The following GIPR variants were observed in gnomAD, a reference collection of about 807,000 sequenced individuals.
GIPR encodes GIP-R.
Under a neutral mutation model 62.2 loss-of-function variants are expected in GIPR, and 74 were observed. The ratio of observed to expected loss-of-function variants is 1.19; its 90% CI spans 0.99 to 1.44. The LOEUF is 1.44. Ranked by LOEUF, GIPR falls within the 40% of genes most tolerant of loss-of-function variation. The pLI, the probability that GIPR is intolerant of heterozygous loss-of-function variation, is 0.00. For synonymous variants in GIPR, 256 were observed against 262.2 expected, an observed-to-expected ratio of 0.98 and a Z score of 0.23; for missense variants, 664 against 611.8, an observed-to-expected ratio of 1.09 and a Z score of -0.90.
chr19:45,669,101 C>T (rs1367805597), intron 1 of GIPR, among the ~76,000 whole-genome samples: 2 of 139,922 alleles, frequency 1.4e-5, no homozygotes, highest in African/African-American at 2.7e-5. Flanking sequence ...CTCTCCAAGG[C>T]GGTCCCCGGG....
chr19:45,669,934 G>A (rs530044695), intron 2 of GIPR, among the ~76,000 whole-genome samples: 1 of 149,212 alleles, frequency 6.7e-6, no homozygotes, highest in South Asian at 2.2e-4. Context: ...GGGTGACAGA[G>A]TGAGACTCTG....
At chr19:45,678,432 C>T (rs1466525976) in intron 12 of GIPR, 2 of 636,002 alleles carry the variant, frequency 3.1e-6, no homozygotes, top group East Asian at 2.8e-5. Context: ...GGCGCGATCT[C>T]GGTTCATTGC....
At chr19:45,670,500 C>T (rs1244838462) in intron 2 of GIPR, 135 bp from the exon 3 acceptor site, 10 of 604,128 alleles carry the variant, frequency 1.7e-5, no homozygotes, top group Non-Finnish European at 2.7e-5. Flanking sequence ...GAACTGGTTT[C>T]CAAGCTACCC....
At chr19:45,677,503 C>T (rs1406996449) in intron 9 of GIPR, 120 bp downstream of exon 9, 2 of 791,602 alleles carry the variant, frequency 2.5e-6, no homozygotes, top group Non-Finnish European at 4.1e-6. Flanking sequence ...GATACGTGGG[C>T]GGGATCCGAA....
rs1488551440 is a variant in GIPR, at chr19:45,670,718, C to G, written c.156C>G (p.Ala52=). The change falls in exon 3 of 14, where the codon GCC becomes GCG. Residue 52 remains alanine, a synonymous_variant. Coordinates refer to ENST00000590918, the MANE Select transcript of GIPR (RefSeq NM_000164.4). ...YRRECQETLA[A]AEPPSGLACN... ...GGGAGTGCCAGGAGACCTTGGCAGC[C>G]GCGGAACCGCCTTCAGGTGTGACCA... is the stretch of plus-strand genomic sequence containing the variant. 1 of 1,605,442 alleles carries G rather than the reference C, an allele frequency of 6.2e-7. No homozygotes were observed.
rs184824260 is a variant in GIPR at position 45,669,414 on chromosome 19, C to G, written c.-44-63C>G. 3.4e-6 allele frequency: 5 copies of G among 1,466,826 alleles called. No individual in the cohort carries two copies. In the African/African-American group the frequency reaches 7.0e-5, roughly 20 times the overall value. The allele number at this position is 1,466,826 out of a possible 1,614,324, so 90.9% of individuals were successfully genotyped here. A position where few individuals can be genotyped will look rare whatever the true frequency, so the allele number is the denominator to read the frequency against. On this transcript the variant is annotated intron_variant, in intron 1 of 13. Transcript: ENST00000590918. ...TGCCCCTGTGTGTGAATCCCTGAGG[C>G]GGGGTGACGCTGGGGTTGGAGTAGG...
At chr19:45,670,515 C>T (rs1295411096) in intron 2 of GIPR, 120 bp from the exon 3 acceptor site, 8 of 671,730 alleles carry the variant, frequency 1.2e-5, no homozygotes, top group Non-Finnish European at 2.1e-5. Flanking sequence ...CTACCCAAGA[C>T]TCCCGAACAA....
intron 12 of GIPR, 27 bp from the exon 13 acceptor site, chr19:45,681,577 T>A (rs763235275): frequency 3.4e-5 from 54 of 1,609,266 alleles, no homozygotes; most frequent in Non-Finnish European, 4.5e-5. Context: ...CCACCAGCGA[T>A]GTAACCTCCG....
chr19:45,670,614 C>T (rs1280247249), intron 2 of GIPR, 21 bp from the exon 3 acceptor site: 1 of 1,576,212 alleles, frequency 6.3e-7, no homozygotes, highest in South Asian at 1.1e-5. Flanking sequence ...TGGGGGGGTC[C>T]TCCCTTCTTT....
chr19:45,669,470 C>T lies in GIPR; in HGVS notation c.-44-7C>T. 1 of 1,545,430 alleles carries T rather than the reference C, an allele frequency of 6.5e-7. No individual in the cohort carries two copies. Among genetic ancestry groups the T allele is most frequent in the South Asian group, 1.2e-5 (1 of 84,190 alleles). The stretch of plus-strand genomic sequence containing the variant: ...AGAGGTGCTGACCTTGCCCTGGGAC[C>T]CTCCAGGCCTGATCGCCCCTGCACG... On this transcript the variant is annotated splice_polypyrimidine_tract_variant and splice_region_variant and intron_variant, in intron 1 of 13. Coordinates refer to ENST00000590918, the MANE Select transcript of GIPR (RefSeq NM_000164.4).
intron 6 of GIPR, 63 bp downstream of exon 6, chr19:45,674,240 A>C: frequency 9.5e-7 from 1 of 1,048,410 alleles, no homozygotes; most frequent in Non-Finnish European, 1.5e-6. Flanking sequence ...TTGTCCAGTA[A>C]GATGGGGTGG....
intron 4 of GIPR, 140 bp downstream of exon 4, chr19:45,671,532 G>T: frequency 1.5e-6 from 1 of 678,418 alleles, no homozygotes; most frequent in Non-Finnish European, 2.7e-6. Flanking sequence ...TTTCCGGCAG[G>T]CTGGGTTTCT....
rs185945481 is a variant in GIPR at position 45,671,665 on chromosome 19, A to C, written c.280+273A>C. 4.3e-3 allele frequency among the ~76,000 whole-genome samples: 655 copies of C among 152,100 alleles called. 4 individuals are homozygous for C. The highest frequency in any genetic ancestry group is 0.015 in the African/African-American group (614 of 41,516). On this transcript the variant is annotated intron_variant, in intron 4 of 13. Coordinates refer to ENST00000590918, the MANE Select transcript of GIPR (RefSeq NM_000164.4). ...CCCAGGCTGGAGTGCAGTGGGATGA[A>C]CTCGGCTCACTGCAACTTCCGCCTC...
intron 6 of GIPR, 199 bp downstream of exon 6, chr19:45,674,376 G>A: frequency 1.5e-6 from 1 of 667,678 alleles, no homozygotes; most frequent in Non-Finnish European, 2.7e-6. Context: ...GGGATGCCAA[G>A]GCAGGAGGAT....
chr19:45,681,991 G>A lies in GIPR; in HGVS notation c.*56G>A. The stretch of plus-strand genomic sequence containing the variant: ...CATGGATTTATTGAGTGCCAACTGC[G>A]TGCCAGGCCCAGTACGGAGGACGCT... On this transcript the variant is annotated 3_prime_UTR_variant, in exon 14 of 14. Transcript: ENST00000590918. The A allele has an allele frequency of 3.5e-6, 5 of 1,411,464 alleles. No individual in the cohort carries two copies. The highest frequency in any genetic ancestry group is 4.9e-6 in the Non-Finnish European group (5 of 1,020,086). 87.4% of individuals were successfully genotyped at this position (1,411,464 alleles called of 1,614,324 possible).
intron 4 of GIPR, among the ~76,000 whole-genome samples, chr19:45,672,070 G>A (rs929917699): frequency 1.3e-5 from 2 of 151,190 alleles, no homozygotes; most frequent in Non-Finnish European, 2.9e-5. Context: ...CCCATGTGGT[G>A]GCAGCATCAT....
chr19:45,679,464 G>A (rs1422206736), intron 12 of GIPR, among the ~76,000 whole-genome samples: 2 of 140,134 alleles, frequency 1.4e-5, no homozygotes, highest in African/African-American at 5.3e-5. Context: ...CCTGGCCACA[G>A]AGGGAGATCA....
rs1967303686 is a variant in GIPR at position 45,682,546 on chromosome 19, T to G, written c.*611T>G. ...TCTCAAAGTGCTGGGATTACAGGCG[T>G]GAGCCACCGCACCCGGCTTTTTTTT... is the stretch of plus-strand genomic sequence containing the variant. On this transcript the variant is annotated 3_prime_UTR_variant, in exon 14 of 14. Transcript: ENST00000590918. 1 of 151,648 alleles carries G rather than the reference T, an allele frequency of 6.6e-6. No individual in the cohort carries two copies. Among genetic ancestry groups the G allele is most frequent in the Non-Finnish European group, 1.5e-5 (1 of 68,130 alleles). The allele number at this position is 151,648 out of a possible 1,614,324, so 9.4% of individuals were successfully genotyped here.
In GIPR at chr19:45,670,671, C is replaced by T. The variant is rs149510000; in HGVS notation, c.109C>T (p.Gln37Ter). 33 of 1,613,362 alleles carry T rather than the reference C, an allele frequency of 2.0e-5. No homozygotes were observed. Among genetic ancestry groups the T allele is most frequent in the Admixed American group, 1.8e-4 (11 of 59,910 alleles). The change falls in exon 3 of 14, where the codon CAG (glutamine) becomes TAG (stop). Residue 37 changes from glutamine to a stop codon, truncating the protein, a stop_gained. Transcript: ENST00000590918. LOFTEE classifies it high-confidence loss of function. Reference protein sequence around the residue: ...SKGQTAGELYQRWERYRRECQ... With the variant: ...SKGQTAGELY ...GGGGCAGACGGCGGGGGAGCTGTAC[C>T]AGCGCTGGGAACGGTACCGCAGGGA...
Sources: allele counts gnomAD v4.1 joint callset (sites outside exome capture counted in the v4.1 genomes callset), GRCh38; gene constraint gnomAD v4.1.1; transcripts MANE v1.5; gene names NCBI Gene and HGNC (gene_info 2026-07-23, HGNC 2026-07-21).